The following ASIC2 variants were observed in gnomAD, a reference collection of about 807,000 sequenced individuals.
The protein encoded by ASIC2 is acid sensing ion channel subunit 2.
In ASIC2, 25 loss-of-function variants were observed where a neutral mutation model predicts 57.3. The ratio of observed to expected loss-of-function variants is 0.44; its 90% CI spans 0.32 to 0.61. The LOEUF is 0.61. Among genes scored for constraint, ASIC2 ranks in the 20% least tolerant of loss-of-function variants. The pLI is 0.06. For synonymous variants in ASIC2, 319 were observed against 307.5 expected (o/e 1.04, Z -0.39); for missense variants, 641 against 738.1 (o/e 0.87, Z 1.52).
intron 1 of ASIC2, among the ~76,000 whole-genome samples, chr17:33,957,431 G>A (rs1904771367): frequency 6.6e-6 from 1 of 152,136 alleles, no homozygotes; most frequent in African/African-American, 2.4e-5. Flanking sequence ...AATTTATAAA[G>A]ATAAGAGGTT....
chr17:33,847,339 T>C (rs534864716), intron 1 of ASIC2, among the ~76,000 whole-genome samples: 1 of 152,126 alleles, frequency 6.6e-6, no homozygotes, highest in African/African-American at 2.4e-5. Flanking sequence ...TCCAACTCTC[T>C]GCCATGAGGT....
At chr17:34,125,747 G>A (rs756522050) in intron 1 of ASIC2, among the ~76,000 whole-genome samples, 1 of 152,226 alleles carries the variant, frequency 6.6e-6, no homozygotes, top group Admixed American at 6.5e-5. Flanking sequence ...ACAAGTAGTA[G>A]GTTGTGGGAT....
intron 1 of ASIC2, among the ~76,000 whole-genome samples, chr17:33,737,470 T>A (rs1909951838): frequency 6.6e-6 from 1 of 150,488 alleles, no homozygotes; most frequent in Non-Finnish European, 1.5e-5. Context: ...TTCCTCACAT[T>A]TGAACGGATT....
intron 1 of ASIC2, among the ~76,000 whole-genome samples, chr17:34,053,977 C>T (rs1908664618): frequency 6.6e-6 from 1 of 152,160 alleles, no homozygotes; most frequent in Admixed American, 6.5e-5. Flanking sequence ...TTGTTTTCCC[C>T]AGCATAAGAG....
chr17:33,594,028 T>C (rs1904907912), intron 1 of ASIC2, among the ~76,000 whole-genome samples: 1 of 152,246 alleles, frequency 6.6e-6, no homozygotes, highest in Non-Finnish European at 1.5e-5. Flanking sequence ...CAATGTCCCA[T>C]CTTTGGACAC....
chr17:33,041,306 C>T (rs1360415783), intron 3 of ASIC2, among the ~76,000 whole-genome samples: 2 of 152,160 alleles, frequency 1.3e-5, no homozygotes, highest in African/African-American at 4.8e-5. Context: ...TGTTTACATG[C>T]GTTTGTTGAG....
chr17:33,165,034 A>G (rs1367339479), intron 1 of ASIC2, among the ~76,000 whole-genome samples: 1 of 152,138 alleles, frequency 6.6e-6, no homozygotes, highest in African/African-American at 2.4e-5. Flanking sequence ...AATGTATTAA[A>G]AGCTGTTTGA....
intron 1 of ASIC2, among the ~76,000 whole-genome samples, chr17:34,128,726 A>G (rs1911861965): frequency 6.6e-6 from 1 of 152,216 alleles, no homozygotes; most frequent in South Asian, 2.1e-4. Context: ...ACTACATGCA[A>G]AAAAGTCAGC....
chr17:33,968,508 T>G (rs1333979435), intron 1 of ASIC2, among the ~76,000 whole-genome samples: 1 of 152,164 alleles, frequency 6.6e-6, no homozygotes, highest in Non-Finnish European at 1.5e-5. Context: ...GCAGGAGCAA[T>G]TAAACCATCA....
intron 1 of ASIC2, among the ~76,000 whole-genome samples, chr17:33,491,798 C>T (rs1329691839): frequency 6.6e-6 from 1 of 152,202 alleles, no homozygotes; most frequent in African/African-American, 2.4e-5. Context: ...AACCTCTCTG[C>T]CATGGTCAGC....
chr17:34,133,062 C>G (rs1467434733), intron 1 of ASIC2, among the ~76,000 whole-genome samples: 1 of 152,158 alleles, frequency 6.6e-6, no homozygotes, highest in African/African-American at 2.4e-5. Flanking sequence ...AGAGAACTAC[C>G]AAGTATTTAT....
chr17:33,915,804 C>T (rs968509687), intron 1 of ASIC2, among the ~76,000 whole-genome samples: 3 of 152,140 alleles, frequency 2.0e-5, no homozygotes, highest in African/African-American at 7.2e-5. Context: ...CTAGGTTTCA[C>T]TATTGACTAG....
At chr17:33,688,646 T>C (rs1317350226) in intron 1 of ASIC2, among the ~76,000 whole-genome samples, 1 of 152,222 alleles carries the variant, frequency 6.6e-6, no homozygotes, top group Non-Finnish European at 1.5e-5. Flanking sequence ...TTTGAACGGA[T>C]ATATTGTTTC....
At chr17:33,145,078 G>A (rs1018563688) in intron 1 of ASIC2, among the ~76,000 whole-genome samples, 2 of 152,154 alleles carry the variant, frequency 1.3e-5, no homozygotes, top group African/African-American at 4.8e-5. Flanking sequence ...TCAATATATG[G>A]GGTTGCTATT....
chr17:33,659,095 G>A (rs1021051890), intron 1 of ASIC2, among the ~76,000 whole-genome samples: 5 of 152,302 alleles, frequency 3.3e-5, no homozygotes, highest in Non-Finnish European at 7.4e-5. Context: ...TCGGAGGAAC[G>A]CACACACTCA....
chr17:34,092,977 A>AT (rs1480149020), intron 1 of ASIC2, among the ~76,000 whole-genome samples: 3 of 152,108 alleles, frequency 2.0e-5, no homozygotes, highest in South Asian at 2.1e-4. Flanking sequence ...CTGAAGCTTG[A>AT]TTTTTTCCCC....
intron 1 of ASIC2, among the ~76,000 whole-genome samples, chr17:33,547,697 C>A (rs916610026): frequency 1.3e-5 from 2 of 152,180 alleles, no homozygotes; most frequent in African/African-American, 4.8e-5. Flanking sequence ...ACTCATCCCC[C>A]CCATCCTAAT....
intron 1 of ASIC2, among the ~76,000 whole-genome samples, chr17:33,448,420 G>C (rs1447708029): frequency 6.6e-6 from 1 of 152,144 alleles, no homozygotes; most frequent in Non-Finnish European, 1.5e-5. Context: ...TAAGGATCTC[G>C]AGATAAGGAA....
chr17:33,585,069 C>G (rs1487921189), intron 1 of ASIC2, among the ~76,000 whole-genome samples: 1 of 152,168 alleles, frequency 6.6e-6, no homozygotes, highest in Non-Finnish European at 1.5e-5. Flanking sequence ...AGCCTCCTTC[C>G]CTCCAGCCTA....
Sources: gnomAD v4.1 joint callset for allele counts (sites outside exome capture counted in the v4.1 genomes callset) on GRCh38, gnomAD v4.1.1 for gene constraint, MANE v1.5 for transcripts, NCBI Gene and HGNC (gene_info 2026-07-23, HGNC 2026-07-21) for gene names.